The following BRINP1 variants were observed in gnomAD, a reference collection of about 807,000 sequenced individuals.
BRINP1 encodes BMP/retinoic acid-inducible neural-specific protein 1.
In BRINP1, 17 loss-of-function variants were observed where a neutral mutation model predicts 72.9. That is an observed-to-expected ratio of 0.23 (90% CI 0.16 to 0.35). BRINP1 has a LOEUF of 0.35. Ranked by LOEUF, BRINP1 falls within the 10% of genes least tolerant of loss-of-function variation. The probability of loss-of-function intolerance (pLI) is 1.00; values close to 1 mark genes in which losing one functional copy is unlikely to be tolerated. For synonymous variants in BRINP1, 418 were observed against 378.5 expected, an observed-to-expected ratio of 1.10 and a Z score of -1.21; for missense variants, 850 against 1,001.6, an observed-to-expected ratio of 0.85 and a Z score of 2.04.
At chr9:119,310,955 A>G (rs1430431279) in intron 2 of BRINP1, among the ~76,000 whole-genome samples, 1 of 152,122 alleles carries the variant, frequency 6.6e-6, no homozygotes, top group Non-Finnish European at 1.5e-5. Flanking sequence ...ATATTTGCAT[A>G]TGGGTTCATA....
At chr9:119,216,561 T>G (rs1829980083) in intron 5 of BRINP1, among the ~76,000 whole-genome samples, 1 of 152,232 alleles carries the variant, frequency 6.6e-6, no homozygotes, top group Non-Finnish European at 1.5e-5. Flanking sequence ...TTTAGTCATT[T>G]TATCTATATC....
intron 2 of BRINP1, among the ~76,000 whole-genome samples, chr9:119,296,950 T>C (rs1364073845): frequency 1.3e-5 from 2 of 152,172 alleles, no homozygotes; most frequent in East Asian, 3.9e-4. Context: ...ATATACAGCA[T>C]GGTGACTATA....
At chr9:119,304,676 G>A (rs1830976142) in intron 2 of BRINP1, among the ~76,000 whole-genome samples, 2 of 152,248 alleles carry the variant, frequency 1.3e-5, no homozygotes, top group South Asian at 4.1e-4. Flanking sequence ...TGCTGAAAAT[G>A]GAATTGGAGT....
At chr9:119,251,382 A>G (rs574781222) in intron 2 of BRINP1, among the ~76,000 whole-genome samples, 76 of 152,308 alleles carry the variant, frequency 5.0e-4, no homozygotes, top group African/African-American at 1.7e-3. Context: ...GGAAAGCTTC[A>G]GAGAGGAGGT....
intron 1 of BRINP1, among the ~76,000 whole-genome samples, chr9:119,319,599 G>A (rs1831163899): frequency 6.6e-6 from 1 of 152,072 alleles, no homozygotes; most frequent in Non-Finnish European, 1.5e-5. Context: ...CACATTATTG[G>A]TATTTATTGA....
At chr9:119,241,033 G>C (rs1370386540) in intron 4 of BRINP1, among the ~76,000 whole-genome samples, 1 of 152,222 alleles carries the variant, frequency 6.6e-6, no homozygotes, top group African/African-American at 2.4e-5. Flanking sequence ...TCGCTTTATA[G>C]AGGCTGTCTG....
chr9:119,172,086 A>G (rs1390155049), intron 7 of BRINP1, among the ~76,000 whole-genome samples: 1 of 147,454 alleles, frequency 6.8e-6, no homozygotes, highest in African/African-American at 2.6e-5. Context: ...GAAAAGCAAG[A>G]GCAAACACAT....
intron 2 of BRINP1, among the ~76,000 whole-genome samples, chr9:119,255,886 C>T (rs1196740726): frequency 1.6e-5 from 2 of 127,648 alleles, no homozygotes. Context: ...ACCCGGGAGG[C>T]GGAGGCTGCA....
intron 2 of BRINP1, among the ~76,000 whole-genome samples, chr9:119,279,364 G>A (rs1830686572): frequency 6.6e-6 from 1 of 151,342 alleles, no homozygotes; most frequent in South Asian, 2.1e-4. Context: ...ACCTGCCCAC[G>A]CACGGTTCCC....
At chr9:119,284,443 C>T (rs984711630) in intron 2 of BRINP1, among the ~76,000 whole-genome samples, 2 of 152,128 alleles carry the variant, frequency 1.3e-5, no homozygotes, top group Admixed American at 1.3e-4. Context: ...TTAGGAGCCT[C>T]ATTTTAAAAA....
chr9:119,268,289 T>TAGACAGACAGAC (rs1554752354), intron 2 of BRINP1, among the ~76,000 whole-genome samples: 1 of 148,590 alleles, frequency 6.7e-6, no homozygotes, highest in Non-Finnish European at 1.5e-5. Context: ...GATAGATAGA[T>TAGACAGACAGAC]AGATAGATAG....
In BRINP1 at chr9:119,271,989, G is replaced by T. The variant is rs564252416; in HGVS notation, c.219-22839C>A. ...GTGGTAGGATTATAGGCATAATCTT[G>T]TTTCCCCTTTTAAAAATTTTTTGAA... On this transcript the variant is annotated intron_variant, in intron 2 of 7. Coordinates refer to ENST00000265922, the MANE Select transcript of BRINP1 (RefSeq NM_014618.3). Among the ~76,000 whole-genome samples, 208 of 148,970 alleles carry T rather than the reference G, an allele frequency of 1.4e-3. 1 individual carries two copies. The highest frequency in any genetic ancestry group is 4.9e-3 in the African/African-American group (197 of 40,334).
intron 2 of BRINP1, among the ~76,000 whole-genome samples, chr9:119,255,945 A>C (rs1165584046): frequency 7.5e-6 from 1 of 133,700 alleles, no homozygotes; most frequent in Non-Finnish European, 1.6e-5. Context: ...ACGGAGCAAG[A>C]CTCCAGCTCA....
At chr9:119,267,302 A>C (rs1830557219) in intron 2 of BRINP1, among the ~76,000 whole-genome samples, 1 of 152,200 alleles carries the variant, frequency 6.6e-6, no homozygotes, top group African/African-American at 2.4e-5. Flanking sequence ...CATTTGAAAA[A>C]GCAACCAAGA....
At chr9:119,269,860 TAA>T (rs869067412) in intron 2 of BRINP1, among the ~76,000 whole-genome samples, 2 of 30,918 alleles carry the variant, frequency 6.5e-5, no homozygotes, top group African/African-American at 1.2e-4. Flanking sequence ...GATACATTAA[TAA>T]AAAAAAATTC....
At chr9:119,201,811 C>T (rs1255484926) in intron 7 of BRINP1, among the ~76,000 whole-genome samples, 1 of 152,182 alleles carries the variant, frequency 6.6e-6, no homozygotes, top group Non-Finnish European at 1.5e-5. Context: ...GGTTAGTAAA[C>T]ATTTATGTAA....
chr9:119,313,142 A>C lies in BRINP1; in HGVS notation c.214T>G (p.Tyr72Asp), dbSNP rs138264825. Residue 72 changes from tyrosine to aspartate, a missense_variant, in exon 2 of 8, where the codon TAC becomes GAC. Physicochemically the swap from Tyr to Asp is radical, Grantham distance 160. Coordinates refer to ENST00000265922, the MANE Select transcript of BRINP1 (RefSeq NM_014618.3). Reference sequence around the variant, plus strand: ...GCTATTTAGCCCAGGTCTTACCTGTATATTTTATATCTGGTTGTAAATCCT... The same window carrying C: ...GCTATTTAGCCCAGGTCTTACCTGTCTATTTTATATCTGGTTGTAAATCCT... ...RQGFTTRYKI[Y>D]REFARWKVRN... is the part of the protein sequence containing the mutation. The C allele has an allele frequency of 9.9e-6, 16 of 1,613,724 alleles. No homozygotes were observed. Among genetic ancestry groups the C allele is most frequent in the Non-Finnish European group, 1.4e-5 (16 of 1,179,978 alleles).
intron 1 of BRINP1, among the ~76,000 whole-genome samples, chr9:119,335,612 C>A (rs755209117): frequency 1.3e-5 from 2 of 152,148 alleles, no homozygotes; most frequent in African/African-American, 2.4e-5. Context: ...ATTAGTGATT[C>A]ATTCAACAGG....
chr9:119,218,764 T>G lies in BRINP1; in HGVS notation c.686-4609A>C, dbSNP rs1194962149. Among the ~76,000 whole-genome samples the G allele has an allele frequency of 4.4e-5, 6 of 136,664 alleles. No homozygotes were observed. In the Admixed American group the frequency reaches 4.6e-4, roughly 10 times the overall value. The allele number at this position is 136,664 out of a possible 152,430, so 89.7% of individuals were successfully genotyped here. A position where few individuals can be genotyped will look rare whatever the true frequency, so the allele number is the denominator to read the frequency against. Reference sequence around the variant, plus strand: ...CTCAGGGATTTTTTTTTTTTTTTTTTGGCTATGAGGTTGAAACCCCAATCT... The same window carrying G: ...CTCAGGGATTTTTTTTTTTTTTTTTGGGCTATGAGGTTGAAACCCCAATCT... On this transcript the variant is annotated intron_variant, in intron 5 of 7. Transcript: ENST00000265922.
Sources: allele counts gnomAD v4.1 joint callset (sites outside exome capture counted in the v4.1 genomes callset), GRCh38; gene constraint gnomAD v4.1.1; transcripts MANE v1.5; gene names NCBI Gene and HGNC (gene_info 2026-07-23, HGNC 2026-07-21).